The following PMEL variants were observed in gnomAD, a reference collection of about 807,000 sequenced individuals.
PMEL encodes the protein melanocyte protein PMEL.
Under a neutral mutation model 64.9 loss-of-function variants are expected in PMEL, and 53 were observed. The observed-to-expected ratio is 0.82, with a 90% CI of 0.66 to 1.03. PMEL has a LOEUF of 1.03. Among genes scored for constraint, PMEL ranks in the 50% least tolerant of loss-of-function variants. The probability of loss-of-function intolerance (pLI) is 0.00; values close to 1 mark genes in which losing one functional copy is unlikely to be tolerated. For synonymous variants in PMEL, 299 were observed against 316.2 expected, an observed-to-expected ratio of 0.95 and a Z score of 0.58; for missense variants, 716 against 814.9, an observed-to-expected ratio of 0.88 and a Z score of 1.48.
chr12:55,964,047 G>A (rs112449360), intron 1 of PMEL, among the ~76,000 whole-genome samples: 1 of 151,528 alleles, frequency 6.6e-6, no homozygotes, highest in South Asian at 2.1e-4. Flanking sequence ...GCAGTGGCAC[G>A]TTCATCACTC....
chr12:55,964,481 C>T (rs1889213367), intron 1 of PMEL, among the ~76,000 whole-genome samples: 1 of 151,776 alleles, frequency 6.6e-6, no homozygotes, highest in Non-Finnish European at 1.5e-5. Context: ...AATTTTTTTA[C>T]GTTTCGTAGA....
intron 10 of PMEL, 87 bp downstream of exon 10, chr12:55,955,187 G>A (rs2136434655): frequency 2.1e-6 from 2 of 973,416 alleles, no homozygotes; most frequent in East Asian, 4.8e-5. Context: ...TTCCTCAAAG[G>A]GAGAGGTGGT....
At chr12:55,959,271 G>T (rs1290604091) in intron 3 of PMEL, among the ~76,000 whole-genome samples, 23 of 151,836 alleles carry the variant, frequency 1.5e-4, no homozygotes, top group South Asian at 1.5e-3. Flanking sequence ...TGTAGTTCCA[G>T]CTACTCCAGG....
chr12:55,957,735 C>T (rs1484626978), intron 5 of PMEL, 64 bp from the exon 6 acceptor site: 15 of 1,552,526 alleles, frequency 9.7e-6, no homozygotes, highest in Non-Finnish European at 1.3e-5. Context: ...TTCACAGCCA[C>T]ACCCTCCAAC....
rs1415330256 is a variant in PMEL, at chr12:55,961,372, G to A, written c.279C>T (p.Ser93=). Residue 93 remains serine (S), a synonymous_variant, in exon 3 of 11, where the codon AGC becomes AGT. Transcript: ENST00000548747. ...SFSIALNFPG[S]QKVLPDGQVI... Reference sequence around the variant, plus strand: ...CCTGCCCATCTGGCAATACCTTTTGGCTTCCAGGGAAGTTCAAGGCAATAG... The same window carrying A: ...CCTGCCCATCTGGCAATACCTTTTGACTTCCAGGGAAGTTCAAGGCAATAG... 1.9e-6 allele frequency: 3 copies of A among 1,614,004 alleles called. No homozygotes were observed. The highest frequency in any genetic ancestry group is 2.7e-5 in the African/African-American group (2 of 74,926).
Position 55,961,634 on chromosome 12 carries a change from C to A in PMEL, c.175G>T (p.Asp59Tyr). Residue 59 changes from aspartate (D) to tyrosine (Y), a missense_variant, in exon 2 of 11, where the codon GAC (aspartate) becomes TAC (tyrosine). By Grantham distance (160) the Asp-to-Tyr change is radical. Transcript: ENST00000548747. ...TCCAAGTTCCTACCTCTCCAGCAGT[C>A]AAGTCTCTGGGCTTCTGTCCACTCT... ...YPEWTEAQRL[D>Y]CWRGGQVSLK... is the part of the protein sequence containing the mutation. 1 of 1,613,682 alleles carries A rather than the reference C, an allele frequency of 6.2e-7. No homozygotes were observed. Among genetic ancestry groups the A allele is most frequent in the South Asian group, 1.1e-5 (1 of 91,054 alleles).
At position 55,958,005 on chromosome 12, in the gene PMEL, GGT is replaced by G. The variant is rs1331213808; in HGVS notation, c.547_548del (p.Thr183HisfsTer28). ...GGCGATGGTAGACAGTCACTTCCAT[GGT>G]GTGTGTGCCCAGCATTGCCCTGCCT... ...GTGRAMLGTHTMEVTVYHRRG... is the reference protein window; with the variant it reads ...GTGRAMLGTHXMEVTVYHRRG... On this transcript the variant is annotated frameshift_variant, in exon 5 of 11. Coordinates refer to ENST00000548747, the MANE Select transcript of PMEL (RefSeq NM_001384361.1). LOFTEE classifies it high-confidence loss of function. 1.2e-6 allele frequency: 2 copies of G among 1,614,186 alleles called. No individual in the cohort carries two copies. Among genetic ancestry groups the G allele is most frequent in the Non-Finnish European group, 1.7e-6 (2 of 1,180,024 alleles).
At chr12:55,959,561 T>C (rs1351793576) in intron 3 of PMEL, among the ~76,000 whole-genome samples, 2 of 151,954 alleles carry the variant, frequency 1.3e-5, no homozygotes, top group South Asian at 2.1e-4. Context: ...TCCTAGCACT[T>C]TGGGAGTCTG....
intron 3 of PMEL, among the ~76,000 whole-genome samples, chr12:55,960,831 G>A (rs970506808): frequency 2.0e-5 from 3 of 150,532 alleles, no homozygotes; most frequent in Non-Finnish European, 3.0e-5. Context: ...ACAGGCGTGA[G>A]CCACCGCGCC....
intron 3 of PMEL, among the ~76,000 whole-genome samples, chr12:55,960,210 C>CAAAAAAAA (rs56810428): frequency 8.9e-5 from 5 of 56,256 alleles, no homozygotes; most frequent in Non-Finnish European, 1.4e-4. Context: ...GACTCTGTCT[C>CAAAAAAAA]AAAAAAAAAA....
At chr12:55,958,401 C>G (rs1888977496) in intron 4 of PMEL, 72 bp downstream of exon 4, 1 of 1,489,416 alleles carries the variant, frequency 6.7e-7, no homozygotes, top group Non-Finnish European at 9.1e-7. Context: ...AAGGGGCGGC[C>G]AAAAGAAAGG....
chr12:55,964,781 A>G (rs1445855945), intron 1 of PMEL, among the ~76,000 whole-genome samples: 1 of 151,836 alleles, frequency 6.6e-6, no homozygotes, highest in African/African-American at 2.4e-5. Context: ...GCGTACCACC[A>G]TGCCCAGCTA....
intron 7 of PMEL, 62 bp from the exon 8 acceptor site, chr12:55,955,925 G>C: frequency 6.9e-7 from 1 of 1,448,338 alleles, no homozygotes; most frequent in Non-Finnish European, 9.7e-7. Context: ...AAAGCCCAGA[G>C]ACAGAAAAGC....
At chr12:55,954,493 A>G (rs1888765173) in intron 10 of PMEL, 144 bp from the exon 11 acceptor site, 1 of 787,968 alleles carries the variant, frequency 1.3e-6, no homozygotes, top group African/African-American at 1.7e-5. Flanking sequence ...TCCAGGGTTT[A>G]CCCTCTCTTA....
At position 55,955,668 on chromosome 12, in the gene PMEL, G is replaced by C; in HGVS notation, c.1558C>G (p.Leu520Val). The change falls in exon 9 of 11, where the codon CTG becomes GTG. Residue 520 changes from leucine (L) to valine (V), a missense_variant and splice_region_variant. By Grantham distance (32) the Leu-to-Val change is conservative. Transcript: ENST00000548747. ...FELTVSCQGG[L>V]PKEACMEISS... Reference sequence around the variant, plus strand: ...ATCTCCATGCAGGCTTCCTTGGGCAGCCTGGAAGAAGTGTCAGCATATATA... The same window carrying C: ...ATCTCCATGCAGGCTTCCTTGGGCACCCTGGAAGAAGTGTCAGCATATATA... 2 of 1,612,288 alleles carry C rather than the reference G, an allele frequency of 1.2e-6. No individual in the cohort carries two copies. The highest frequency in any genetic ancestry group is 1.7e-6 in the Non-Finnish European group (2 of 1,178,842).
At chr12:55,966,639 G>C (rs1249589537), upstream of PMEL, 1 of 1,048,916 alleles carries the variant, frequency 9.5e-7, no homozygotes, top group Non-Finnish European at 1.2e-6. Context: ...CCGCCCCACC[G>C]GGGAAGAAAC....
intron 3 of PMEL, among the ~76,000 whole-genome samples, chr12:55,960,069 G>T (rs935075325): frequency 6.6e-6 from 1 of 151,722 alleles, no homozygotes; most frequent in Non-Finnish European, 1.5e-5. Context: ...ACATGCGCCT[G>T]TATCAGCTAC....
intron 6 of PMEL, among the ~76,000 whole-genome samples, 177 bp downstream of exon 6, chr12:55,956,772 A>G (rs1888898591): frequency 1.3e-5 from 2 of 152,208 alleles, no homozygotes; most frequent in Non-Finnish European, 2.9e-5. Flanking sequence ...CCTGAACTCC[A>G]GACCTATTCC....
rs538027966 is a variant in PMEL at position 55,957,427 on chromosome 12, C to T, written c.876G>A (p.Leu292=). Residue 292 remains leucine (L), a synonymous_variant, in exon 6 of 11, where the codon CTG becomes CTA. Coordinates refer to ENST00000548747, the MANE Select transcript of PMEL (RefSeq NM_001384361.1). ...AGGAGGTGAGAGGAATGGCAGCCTG[C>T]AGGACCACCTGGGCAGTGACTGGGC... is the stretch of plus-strand genomic sequence containing the variant. ...EPGPVTAQVV[L]QAAIPLTSCG... The T allele has an allele frequency of 1.2e-4, 200 of 1,609,832 alleles. 5 individuals carry two copies. In the South Asian group the frequency reaches 2.1e-3, roughly 17 times the overall value.
Sources: gnomAD v4.1 joint callset for allele counts (sites outside exome capture counted in the v4.1 genomes callset) on GRCh38, gnomAD v4.1.1 for gene constraint, MANE v1.5 for transcripts, NCBI Gene and HGNC (gene_info 2026-07-23, HGNC 2026-07-21) for gene names.